Variants in MIA2 observed in about 807,000 individuals in gnomAD.
MIA2 encodes melanoma inhibitory activity protein 2.
A neutral mutation model predicts 167.8 loss-of-function variants in MIA2; 127 were observed. The ratio of observed to expected loss-of-function variants is 0.76; its 90% confidence interval spans 0.66 to 0.88. MIA2 has a LOEUF of 0.88. Ranked by LOEUF, MIA2 falls within the 40% of genes least tolerant of loss-of-function variation. The pLI, the probability that MIA2 is intolerant of heterozygous loss-of-function variation, is 0.00. For missense variants in MIA2, 1,690 were observed against 1,624.7 expected, an observed-to-expected ratio of 1.04 and a Z score of -0.69; for synonymous variants, 552 against 541.9, an observed-to-expected ratio of 1.02 and a Z score of -0.26.
In MIA2 at chr14:39,386,584, T is replaced by A. The variant is rs548688865; in HGVS notation, c.2249-301T>A. 4.7e-6 allele frequency: 5 copies of A among 1,072,782 alleles called. No individual in the cohort carries two copies. The African/African-American group carries it at 6.4e-5, about 14-fold the overall frequency. 66.5% of individuals were successfully genotyped at this position (1,072,782 alleles called of 1,614,324 possible). Reference sequence around the variant, plus strand: ...GTCTCTTTGTTATCATCACCTGCTGTGCCACAGTGGGCTTTCTTTTTTCTT... The same window carrying A: ...GTCTCTTTGTTATCATCACCTGCTGAGCCACAGTGGGCTTTCTTTTTTCTT... On this transcript the variant is annotated intron_variant, in intron 23 of 23. Transcript: ENST00000341502.
In MIA2 at chr14:39,247,457, G is replaced by C; in HGVS notation, c.883G>C (p.Ala295Pro). The change falls in exon 4 of 29, where the codon GCA becomes CCA. Residue 295 changes from alanine to proline, a missense_variant. By Grantham distance (27) the Ala-to-Pro change is conservative. Coordinates refer to ENST00000640607, the MANE Select transcript of MIA2 (RefSeq NM_001329214.4). Reference sequence around the variant, plus strand: ...AGTGCCAAAGACACAGTCTGAACTAGCATCTGAGTCAGAGCACATTCCCAA... The same window carrying C: ...AGTGCCAAAGACACAGTCTGAACTACCATCTGAGTCAGAGCACATTCCCAA... Reference protein sequence around the residue: ...DSVPKTQSELASESEHIPKPQ... With the variant: ...DSVPKTQSELPSESEHIPKPQ... 1 of 1,613,936 alleles carries C rather than the reference G, an allele frequency of 6.2e-7. No individual in the cohort carries two copies. Among genetic ancestry groups the C allele is most frequent in the Non-Finnish European group, 8.5e-7 (1 of 1,179,950 alleles).
chr14:39,274,533 C>G (rs1276946907), intron 6 of MIA2, among the ~76,000 whole-genome samples: 2 of 149,504 alleles, frequency 1.3e-5, no homozygotes, highest in Admixed American at 6.7e-5. Context: ...TCAGGCAATT[C>G]TTGTATCTCA....
chr14:39,315,401 C>T, intron 20 of MIA2: 1 of 288,722 alleles, frequency 3.5e-6, no homozygotes, highest in Non-Finnish European at 6.3e-6. Flanking sequence ...AGTGGGGTCT[C>T]ATACTCAGTC....
rs1353421366 is a variant in MIA2 at position 39,334,969 on chromosome 14, G to T, written c.3655+7947G>T. 2.0e-5 allele frequency among the ~76,000 whole-genome samples: 3 copies of T among 152,034 alleles called. No homozygotes were observed. The East Asian group carries it at 5.8e-4, about 29-fold the overall frequency. ...CTCTCTTTCAAAATATGGTCTTCTG[G>T]CTGGGTGCAGTGGCTCATGCCTGTA... On this transcript the variant is annotated intron_variant, in intron 25 of 28. Transcript: ENST00000640607.
chr14:39,383,266 T>A (rs2075205125), intron 23 of MIA2, among the ~76,000 whole-genome samples: 1 of 152,202 alleles, frequency 6.6e-6, no homozygotes. Context: ...TGTCTCTGTG[T>A]GACACTTTGG....
chr14:39,353,128 AT>A (rs2074434162), downstream of MIA2, among the ~76,000 whole-genome samples: 1 of 152,176 alleles, frequency 6.6e-6, no homozygotes, highest in Non-Finnish European at 1.5e-5. Flanking sequence ...AGACTGTGTA[AT>A]GATCAAGTCA....
rs767665701 is a variant in MIA2, at chr14:39,294,958, G to A, written c.2425G>A (p.Glu809Lys). The change falls in exon 13 of 29, where the codon GAA becomes AAA. Residue 809 changes from glutamate to lysine, a missense_variant. Transcript: ENST00000640607. ...GACCTTCAAGATATTTCAAATGAATGAAGAACGACTGAAGATAGCAATAAA... is the reference window on the plus strand; with the variant it reads ...GACCTTCAAGATATTTCAAATGAATAAAGAACGACTGAAGATAGCAATAAA... ...KMTFKIFQMN[E>K]ERLKIAIKDA... is the part of the protein sequence containing the mutation. The A allele has an allele frequency of 1.9e-6, 3 of 1,613,326 alleles. No homozygotes were observed. In the South Asian group the frequency reaches 3.3e-5, roughly 18 times the overall value.
At chr14:39,304,439 G>T in intron 17 of MIA2, 58 bp downstream of exon 17, 1 of 895,058 alleles carries the variant, frequency 1.1e-6, no homozygotes, top group Non-Finnish European at 1.7e-6. Flanking sequence ...TCTCTTGGCA[G>T]AGAATGGTAA....
intron 18 of MIA2, 93 bp from the exon 19 acceptor site, chr14:39,313,247 G>A: frequency 1.8e-6 from 1 of 566,470 alleles, no homozygotes; most frequent in South Asian, 3.0e-5. Context: ...GAAATCATTT[G>A]ACAGGAATCA....
Position 39,314,610 on chromosome 14 carries a change from G to GTTTTTT in MIA2, c.3120-115_3120-110dup, listed in dbSNP as rs55732496. The GTTTTTT allele has an allele frequency of 2.6e-4, 49 of 190,046 alleles. 2 individuals carry two copies. Among genetic ancestry groups the GTTTTTT allele is most frequent in the Admixed American group, 5.1e-4 (6 of 11,674 alleles). 11.8% of individuals were successfully genotyped at this position (190,046 alleles called of 1,614,324 possible). On this transcript the variant is annotated intron_variant, in intron 19 of 28. Coordinates refer to ENST00000640607, the MANE Select transcript of MIA2 (RefSeq NM_001329214.4). ...TTATTTCTTAATGTGGAGTTCTGGA[G>GTTTTTT]TTTTTTTTTTTTTTTTTTTCATGAA...
chr14:39,320,724 T>C (rs1226818614), intron 23 of MIA2, among the ~76,000 whole-genome samples: 1 of 152,236 alleles, frequency 6.6e-6, no homozygotes, highest in Non-Finnish European at 1.5e-5. Flanking sequence ...TTAAAGTGTC[T>C]ATTTGATAGA....
chr14:39,252,652 A>C lies in MIA2; in HGVS notation c.1568-96A>C, dbSNP rs2054631707. 5.9e-6 allele frequency: 5 copies of C among 842,280 alleles called. No homozygotes were observed. The South Asian group carries it at 8.5e-5, about 14-fold the overall frequency. The allele number at this position is 842,280 out of a possible 1,614,324, so 52.2% of individuals were successfully genotyped here. On this transcript the variant is annotated intron_variant, in intron 4 of 28. Coordinates refer to ENST00000640607, the MANE Select transcript of MIA2 (RefSeq NM_001329214.4). ...TTAACGAAGTATCATAATGACCTAC[A>C]AAAGTTCAGAAAAATGACCTGCCTA...
Position 39,294,028 on chromosome 14 carries a change from C to T in MIA2, c.2348C>T (p.Ser783Phe). The T allele has an allele frequency of 1.2e-6, 2 of 1,612,120 alleles. No individual in the cohort carries two copies. The highest frequency in any genetic ancestry group is 1.7e-6 in the Non-Finnish European group (2 of 1,178,876). ...GCGGATATTTCAAAAAGGATACAGTCTCTAGAAGATGAGTCAAAATCCCTC... is the reference window on the plus strand; with the variant it reads ...GCGGATATTTCAAAAAGGATACAGTTTCTAGAAGATGAGTCAAAATCCCTC... ...LMADISKRIQ[S>F]LEDESKSLKS... The change falls in exon 12 of 29, where the codon TCT (serine) becomes TTT (phenylalanine). Residue 783 changes from serine (S) to phenylalanine (F), a missense_variant. Ser to Phe is a radical substitution (Grantham distance 155, BLOSUM62 -2). Coordinates refer to ENST00000640607, the MANE Select transcript of MIA2 (RefSeq NM_001329214.4).
At chr14:39,356,626 C>G (rs1326469959) in intron 23 of MIA2, among the ~76,000 whole-genome samples, 1 of 152,024 alleles carries the variant, frequency 6.6e-6, no homozygotes, top group African/African-American at 2.4e-5. Context: ...TTCTCTAGTT[C>G]TTTTAATTGT....
At chr14:39,380,774 A>G (rs2075142266) in intron 23 of MIA2, among the ~76,000 whole-genome samples, 1 of 151,810 alleles carries the variant, frequency 6.6e-6, no homozygotes, top group South Asian at 2.1e-4. Context: ...TAAAGAGACC[A>G]ATTTTATTTA....
chr14:39,351,403 A>G (rs2074375647), downstream of MIA2: 1 of 152,062 alleles, frequency 6.6e-6, no homozygotes, highest in Non-Finnish European at 1.5e-5. Context: ...AAAAACAAAA[A>G]ACTAAAAAGA....
intron 4 of MIA2, among the ~76,000 whole-genome samples, chr14:39,250,461 C>A (rs569060340): frequency 6.6e-6 from 1 of 151,620 alleles, no homozygotes. Flanking sequence ...GTTGAGAGGC[C>A]GAGGCAGGCA....
At position 39,374,853 on chromosome 14, in the gene MIA2, A is replaced by G. The variant is rs553865114; in HGVS notation, c.2249-12032A>G. 2.4e-4 allele frequency among the ~76,000 whole-genome samples: 36 copies of G among 152,354 alleles called. No homozygotes were observed. In the South Asian group the frequency reaches 7.5e-3, roughly 32 times the overall value. On this transcript the variant is annotated intron_variant, in intron 23 of 23. Coordinates refer to the MIA2 transcript ENST00000341502. ...GTAATACTTCATATTTTTCAAAACA[A>G]TCCTGTGAAGGAGTTAAGGCAGGTA...
At chr14:39,245,526 T>C (rs2054260081) in intron 3 of MIA2, among the ~76,000 whole-genome samples, 1 of 152,228 alleles carries the variant, frequency 6.6e-6, no homozygotes, top group Non-Finnish European at 1.5e-5. Flanking sequence ...CTGGTCTGTC[T>C]GAGCTATAAC....
Sources: allele counts gnomAD v4.1 joint callset (sites outside exome capture counted in the v4.1 genomes callset), GRCh38; gene constraint gnomAD v4.1.1; transcripts MANE v1.5; gene names NCBI Gene and HGNC (gene_info 2026-07-23, HGNC 2026-07-21).